The following DNAH12 variants were observed in gnomAD, a reference collection of about 807,000 sequenced individuals.
DNAH12 encodes axonemal beta dynein heavy chain 12.
A neutral mutation model predicts 371.5 loss-of-function variants in DNAH12; 285 were observed. That is an observed-to-expected ratio of 0.77 (90% CI 0.70 to 0.85). DNAH12 has a LOEUF of 0.85. Among genes scored for constraint, DNAH12 ranks in the 40% least tolerant of loss-of-function variants. The pLI is 0.00. For missense variants in DNAH12, 3,611 were observed against 3,689.4 expected (o/e 0.98, Z 0.55); for synonymous variants, 1,200 against 1,213.0 (o/e 0.99, Z 0.22).
At position 57,405,791 on chromosome 3, in the gene DNAH12, A is replaced by AACC. The variant is rs1553680980; in HGVS notation, c.6435_6437dup (p.Val2146dup). 3 of 1,551,696 alleles carry AACC rather than the reference A, an allele frequency of 1.9e-6. No individual in the cohort carries two copies. The highest frequency in any genetic ancestry group is 3.9e-5 in the Admixed American group (2 of 51,008). On this transcript the variant is annotated inframe_insertion, in exon 41 of 74. Transcript: ENST00000495027. ...TGAGGCGATCATAAAACACTCGGAG[A>AACC]ACCTCATGCACAAACAGACGGATCA...
Position 57,419,532 on chromosome 3 carries a change from TAA to T in DNAH12, c.5563-16_5563-15del, listed in dbSNP as rs1282327591. ...TTTGTTTTTCAACTACAAGAAAATATAAGTTTTAAAATATTAAAACCATGTAC... is the reference window on the plus strand; with the variant it reads ...TTTGTTTTTCAACTACAAGAAAATATGTTTTAAAATATTAAAACCATGTAC... On this transcript the variant is annotated splice_polypyrimidine_tract_variant and intron_variant, in intron 36 of 73. Coordinates refer to ENST00000495027, the MANE Select transcript of DNAH12 (RefSeq NM_001366028.2). The T allele has an allele frequency of 5.6e-6, 8 of 1,422,514 alleles. No individual in the cohort carries two copies. Among genetic ancestry groups the T allele is most frequent in the East Asian group, 2.8e-5 (1 of 35,808 alleles). The allele number at this position is 1,422,514 out of a possible 1,614,324, so 88.1% of individuals were successfully genotyped here. A position where few individuals can be genotyped will look rare whatever the true frequency, so the allele number is the denominator to read the frequency against.
intron 65 of DNAH12, among the ~76,000 whole-genome samples, chr3:57,318,538 C>T (rs545953332): frequency 6.6e-6 from 1 of 152,066 alleles, no homozygotes; most frequent in Non-Finnish European, 1.5e-5. Flanking sequence ...TATACTAGTA[C>T]AGGTTGAGCA....
At chr3:57,508,037 A>C (rs2067828973) in intron 7 of DNAH12, among the ~76,000 whole-genome samples, 199 bp from the exon 8 acceptor site, 1 of 151,926 alleles carries the variant, frequency 6.6e-6, no homozygotes, top group Admixed American at 6.6e-5. Context: ...AAATACAAAA[A>C]TTAGCTGGGT....
chr3:57,514,001 G>A (rs1417804903), intron 4 of DNAH12, among the ~76,000 whole-genome samples: 3 of 152,188 alleles, frequency 2.0e-5, no homozygotes, highest in Non-Finnish European at 4.4e-5. Context: ...TTTAAGAGTG[G>A]CTGATGCATA....
At chr3:57,403,219 C>T (rs1047060072) in intron 43 of DNAH12, 90 bp downstream of exon 43, 1 of 1,261,546 alleles carries the variant, frequency 7.9e-7, no homozygotes, top group South Asian at 1.6e-5. Context: ...CACTGGAGTT[C>T]AGTACACAGC....
intron 12 of DNAH12, among the ~76,000 whole-genome samples, chr3:57,487,375 A>AAGAAAAAAAAAGAAAG (rs71088080): frequency 7.3e-6 from 1 of 136,622 alleles, no homozygotes; most frequent in African/African-American, 2.8e-5. Context: ...GAAAGAAAGA[A>AAGAAAAAAAAAGAAAG]AAAAAAAAAG....
At chr3:57,526,970 G>A (rs1402872000) in intron 2 of DNAH12, among the ~76,000 whole-genome samples, 1 of 151,888 alleles carries the variant, frequency 6.6e-6, no homozygotes, top group African/African-American at 2.4e-5. Flanking sequence ...GAGTAGCTGG[G>A]ATTACAGGCA....
At chr3:57,324,502 T>C (rs1384961228) in intron 62 of DNAH12, among the ~76,000 whole-genome samples, 5 of 152,110 alleles carry the variant, frequency 3.3e-5, no homozygotes, top group South Asian at 2.1e-4. Flanking sequence ...TTAGTAGATA[T>C]GGAGTAAGGC....
At chr3:57,321,732 C>T (rs2061809527) in intron 65 of DNAH12, among the ~76,000 whole-genome samples, 1 of 152,084 alleles carries the variant, frequency 6.6e-6, no homozygotes, top group Non-Finnish European at 1.5e-5. Context: ...CCAATCTAGC[C>T]TATATCAATA....
At chr3:57,433,863 T>G in intron 30 of DNAH12, 35 bp from the exon 31 acceptor site, 1 of 1,439,198 alleles carries the variant, frequency 6.9e-7, no homozygotes, top group Non-Finnish European at 9.1e-7. Context: ...ACAATAAGAG[T>G]CTTTAAAGAG....
chr3:57,496,188 T>C (rs959685107), intron 11 of DNAH12, among the ~76,000 whole-genome samples: 8 of 151,908 alleles, frequency 5.3e-5, no homozygotes, highest in Non-Finnish European at 8.8e-5. Flanking sequence ...CATGAGAACA[T>C]AGCCCCAACT....
rs2064724009 is a variant in DNAH12 at position 57,425,147 on chromosome 3, A to G, written c.5254-6T>C. 1 of 687,786 alleles carries G rather than the reference A, an allele frequency of 1.5e-6. No individual in the cohort carries two copies. Among genetic ancestry groups the G allele is most frequent in the Admixed American group, 2.2e-5 (1 of 45,050 alleles). The allele number at this position is 687,786 out of a possible 1,614,324, so 42.6% of individuals were successfully genotyped here. ...TTGCTTGTAGGAATCAGTTCCTGCA[A>G]GGTGAAAATAAGATAACTTTCTTAA... is the stretch of plus-strand genomic sequence containing the variant. On this transcript the variant is annotated splice_polypyrimidine_tract_variant and splice_region_variant and intron_variant, in intron 34 of 73. Coordinates refer to ENST00000495027, the MANE Select transcript of DNAH12 (RefSeq NM_001366028.2).
At chr3:57,498,460 G>A (rs975482063) in intron 11 of DNAH12, 1 of 709,850 alleles carries the variant, frequency 1.4e-6, no homozygotes, top group Admixed American at 2.0e-5. Context: ...GAGACTACAG[G>A]TGCAAGCTAC....
At chr3:57,447,545 C>T (rs2065549979) in intron 25 of DNAH12, among the ~76,000 whole-genome samples, 1 of 151,414 alleles carries the variant, frequency 6.6e-6, no homozygotes, top group Middle Eastern at 3.4e-3. Flanking sequence ...TAGAACTGCT[C>T]AAAAAAAGGT....
At chr3:57,498,479 G>C (rs1559722755) in intron 11 of DNAH12, 2 of 712,368 alleles carry the variant, frequency 2.8e-6, no homozygotes, top group Non-Finnish European at 5.2e-6. Flanking sequence ...ACTATGCCTG[G>C]CTTAACAGTT....
At chr3:57,554,094 T>A in the DNAH12 span, among the ~76,000 whole-genome samples, 1 of 150,804 alleles carries the variant, frequency 6.6e-6, no homozygotes, top group South Asian at 2.1e-4. Context: ...TTTAACATAT[T>A]TAGTAGAGAC....
the DNAH12 span, among the ~76,000 whole-genome samples, chr3:57,552,734 A>AT: frequency 6.6e-6 from 1 of 151,700 alleles, no homozygotes; most frequent in South Asian, 2.1e-4. Flanking sequence ...ACATAGTGGG[A>AT]TCCCCCATCT....
Position 57,318,238 on chromosome 3 carries a change from A to C in DNAH12, c.10525-3607T>G, listed in dbSNP as rs74561592. Among the ~76,000 whole-genome samples the C allele has an allele frequency of 7.3e-3, 1,114 of 152,190 alleles. 12 individuals carry two copies. The highest frequency in any genetic ancestry group is 0.025 in the African/African-American group (1,034 of 41,518). On this transcript the variant is annotated intron_variant, in intron 65 of 73. Coordinates refer to ENST00000495027, the MANE Select transcript of DNAH12 (RefSeq NM_001366028.2). ...TATCTATGAAATTATTGCTAAGATCAATGTCGTGAAGCTTTCCTTCTAAGT... is the reference window on the plus strand; with the variant it reads ...TATCTATGAAATTATTGCTAAGATCCATGTCGTGAAGCTTTCCTTCTAAGT...
chr3:57,474,524 G>A (rs1249566774), intron 13 of DNAH12, among the ~76,000 whole-genome samples: 3 of 152,158 alleles, frequency 2.0e-5, no homozygotes, highest in Non-Finnish European at 2.9e-5. Context: ...TCAAACTCCT[G>A]ACATCAGGTG....
Sources: allele counts gnomAD v4.1 joint callset (sites outside exome capture counted in the v4.1 genomes callset), GRCh38; gene constraint gnomAD v4.1.1; transcripts MANE v1.5; gene names NCBI Gene and HGNC (gene_info 2026-07-23, HGNC 2026-07-21).